ST6GAL2: variants seen among roughly 807,000 people sequenced by gnomAD.
ST6GAL2 encodes beta-galactoside alpha-2,6-sialyltransferase 2.
ST6GAL2 carries 24 observed loss-of-function variants against 37.5 expected under a neutral mutation model. That is an observed-to-expected ratio of 0.64 (90% CI 0.46 to 0.90). The LOEUF (loss-of-function observed/expected upper bound fraction) is 0.90, where lower values mean the gene tolerates loss of function less well. Among genes scored for constraint, ST6GAL2 ranks in the 40% least tolerant of loss-of-function variants. ST6GAL2 has a pLI of 0.00. For synonymous variants in ST6GAL2, 306 were observed against 295.1 expected, an observed-to-expected ratio of 1.04 and a Z score of -0.38; for missense variants, 715 against 712.7, an observed-to-expected ratio of 1.00 and a Z score of -0.04.
chr2:106,823,789 C>T (rs1056893031), intron 5 of ST6GAL2, among the ~76,000 whole-genome samples: 3 of 152,106 alleles, frequency 2.0e-5, no homozygotes, highest in Non-Finnish European at 2.9e-5. Context: ...TTCAATGTCT[C>T]GTGAGGACCC....
At position 106,804,012 on chromosome 2, in the gene ST6GAL2, TA is replaced by T. The variant is rs1558668652; in HGVS notation, c.*2665del. On this transcript the variant is annotated 3_prime_UTR_variant, in exon 6 of 6. Coordinates refer to ENST00000409382, the MANE Select transcript of ST6GAL2 (RefSeq NM_001142351.2). Reference sequence around the variant, plus strand: ...ACATTTTCTTAGAAGCCAAAGAACTTAAACTTTTATAGAAGAACGCCCAGTC... The same window carrying T: ...ACATTTTCTTAGAAGCCAAAGAACTTAACTTTTATAGAAGAACGCCCAGTC... 6.6e-6 allele frequency: 1 copy of T among 152,188 alleles called. No individual in the cohort carries two copies. Among genetic ancestry groups the T allele is most frequent in the South Asian group, 2.1e-4 (1 of 4,818 alleles). 9.4% of individuals were successfully genotyped at this position (152,188 alleles called of 1,614,324 possible).
chr2:106,842,731 G>A (rs1038117388), intron 2 of ST6GAL2, among the ~76,000 whole-genome samples: 2 of 152,134 alleles, frequency 1.3e-5, no homozygotes, highest in African/African-American at 2.4e-5. Context: ...GGGGCAAAGG[G>A]CGGCGCTTTC....
At chr2:106,817,840 C>T (rs1386355994) in intron 5 of ST6GAL2, among the ~76,000 whole-genome samples, 1 of 152,152 alleles carries the variant, frequency 6.6e-6, no homozygotes, top group African/African-American at 2.4e-5. Context: ...AGGGGAGCCC[C>T]CTGCCTTGAA....
chr2:106,855,509 A>G (rs1185187774), intron 1 of ST6GAL2, among the ~76,000 whole-genome samples: 1 of 152,216 alleles, frequency 6.6e-6, no homozygotes, highest in Non-Finnish European at 1.5e-5. Flanking sequence ...TAAATCACCT[A>G]GTAGCTACCT....
chr2:106,810,061 C>T (rs1235211634), intron 5 of ST6GAL2, among the ~76,000 whole-genome samples: 1 of 152,156 alleles, frequency 6.6e-6, no homozygotes, highest in Non-Finnish European at 1.5e-5. Context: ...GCTACCAAAT[C>T]CAAGTAACTC....
Position 106,834,084 on chromosome 2 carries a change from C to T in ST6GAL2, c.1006G>A (p.Gly336Arg), listed in dbSNP as rs1676534570. ...ATGATGCGTATGGTGGTTTTATTCCCAACATCTTTCTCATAACCACGTGTA... is the reference window on the plus strand; with the variant it reads ...ATGATGCGTATGGTGGTTTTATTCCTAACATCTTTCTCATAACCACGTGTA... Reference protein sequence around the residue: ...APTRGYEKDVGNKTTIRIINS... With the variant: ...APTRGYEKDVRNKTTIRIINS... Residue 336 changes from glycine (G) to arginine (R), a missense_variant, in exon 3 of 6, where the codon GGG becomes AGG. Physicochemically the swap from Gly to Arg is moderately radical, Grantham distance 125 (BLOSUM62 -2). Transcript: ENST00000409382. The T allele has an allele frequency of 6.2e-7, 1 of 1,613,680 alleles. No homozygotes were observed. The highest frequency in any genetic ancestry group is 1.3e-5 in the African/African-American group (1 of 74,888).
intron 2 of ST6GAL2, among the ~76,000 whole-genome samples, chr2:106,835,226 G>C (rs561409371): frequency 6.6e-6 from 1 of 152,284 alleles, no homozygotes; most frequent in African/African-American, 2.4e-5. Context: ...CTGGAGCAAG[G>C]ACAGTGCCTG....
Position 106,805,070 on chromosome 2 carries a change from A to G in ST6GAL2, c.*1608T>C, listed in dbSNP as rs771884549. On this transcript the variant is annotated 3_prime_UTR_variant, in exon 6 of 6. Coordinates refer to ENST00000409382, the MANE Select transcript of ST6GAL2 (RefSeq NM_001142351.2). ...AGGAGATGTCTTGTTTTCCAGCTCCATATCTGCTGAATAGACTAACCAAAC... is the reference window on the plus strand; with the variant it reads ...AGGAGATGTCTTGTTTTCCAGCTCCGTATCTGCTGAATAGACTAACCAAAC... The G allele has an allele frequency of 6.6e-6, 1 of 152,156 alleles. No individual in the cohort carries two copies. Among genetic ancestry groups the G allele is most frequent in the Non-Finnish European group, 1.5e-5 (1 of 68,032 alleles). 9.4% of individuals were successfully genotyped at this position (152,156 alleles called of 1,614,324 possible).
chr2:106,830,369 T>C, intron 4 of ST6GAL2, 129 bp from the exon 5 acceptor site: 2 of 713,668 alleles, frequency 2.8e-6, no homozygotes, highest in Non-Finnish European at 2.4e-6. Context: ...TCATGACTCA[T>C]GACATCTACA....
rs1490300852 is a variant in ST6GAL2, at chr2:106,879,869, TATAC to T, written c.-58+6220_-58+6223del. Among the ~76,000 whole-genome samples the T allele has an allele frequency of 5.4e-5, 8 of 147,920 alleles. No individual in the cohort carries two copies. The East Asian group carries it at 7.8e-4, about 14-fold the overall frequency. ...AATCTATAAACTATAATATATACATTATACATATAGACCTATATATACATATAGA... is the reference window on the plus strand; with the variant it reads ...AATCTATAAACTATAATATATACATTATATAGACCTATATATACATATAGA... On this transcript the variant is annotated intron_variant, in intron 1 of 5. Coordinates refer to ENST00000409382, the MANE Select transcript of ST6GAL2 (RefSeq NM_001142351.2).
intron 5 of ST6GAL2, chr2:106,813,172 G>T: frequency 2.3e-6 from 3 of 1,324,342 alleles, no homozygotes; most frequent in Non-Finnish European, 1.9e-6. Context: ...GAGTGCAGTC[G>T]CGTGATCTCG....
At chr2:106,807,565 CTT>C (rs1238866542) in intron 5 of ST6GAL2, among the ~76,000 whole-genome samples, 1 of 151,540 alleles carries the variant, frequency 6.6e-6, no homozygotes, top group East Asian at 1.9e-4. Context: ...CAGTGTTAAA[CTT>C]TTAATTTTTT....
Position 106,806,797 on chromosome 2 carries a change from G to T in ST6GAL2, c.1471C>A (p.Leu491Met). The change falls in exon 6 of 6, where the codon CTG becomes ATG. Residue 491 changes from leucine to methionine, a missense_variant. Leu to Met is a conservative substitution (Grantham distance 15, BLOSUM62 2). Transcript: ENST00000409382. ...GTGCCCATGTTCAGGCGCTGCACCA[G>T]GAGCTTCTCATAGAGTAGTGGGTGG... ...AYHPLLYEKLLVQRLNMGTQG... is the reference protein window; with the variant it reads ...AYHPLLYEKLMVQRLNMGTQG... 1 of 1,614,204 alleles carries T rather than the reference G, an allele frequency of 6.2e-7. No individual in the cohort carries two copies. The highest frequency in any genetic ancestry group is 8.5e-7 in the Non-Finnish European group (1 of 1,180,042).
At chr2:106,840,269 C>T (rs1328926360) in intron 2 of ST6GAL2, among the ~76,000 whole-genome samples, 2 of 152,200 alleles carry the variant, frequency 1.3e-5, no homozygotes, top group Admixed American at 1.3e-4. Flanking sequence ...AAGAATTTCG[C>T]TACACCATGC....
rs906816989 is a variant in ST6GAL2, at chr2:106,803,411, G to C, written c.*3267C>G. 1.3e-5 allele frequency: 2 copies of C among 152,114 alleles called. No individual in the cohort carries two copies. The highest frequency in any genetic ancestry group is 2.9e-5 in the Non-Finnish European group (2 of 68,032). The allele number at this position is 152,114 out of a possible 1,614,324, so 9.4% of individuals were successfully genotyped here. ...TTTTAATTGACCATCCCTTGGTCCT[G>C]AGCACAAAGTTCTCTGTAAGAGCAG... On this transcript the variant is annotated 3_prime_UTR_variant, in exon 6 of 6. Coordinates refer to ENST00000409382, the MANE Select transcript of ST6GAL2 (RefSeq NM_001142351.2).
intron 4 of ST6GAL2, among the ~76,000 whole-genome samples, chr2:106,831,192 C>T (rs1004630257): frequency 6.6e-6 from 1 of 152,162 alleles, no homozygotes; most frequent in Non-Finnish European, 1.5e-5. Context: ...ATAAATGAAG[C>T]CCCAAGCCAT....
chr2:106,832,286 T>C (rs1676453293), intron 4 of ST6GAL2, among the ~76,000 whole-genome samples: 1 of 152,228 alleles, frequency 6.6e-6, no homozygotes, highest in Admixed American at 6.5e-5. Context: ...CCCTTTAGTG[T>C]AACTAGAAAT....
chr2:106,836,523 T>C (rs1676644789), intron 2 of ST6GAL2, among the ~76,000 whole-genome samples: 1 of 152,052 alleles, frequency 6.6e-6, no homozygotes, highest in Non-Finnish European at 1.5e-5. Context: ...TTGTATAATA[T>C]TGTACAATGA....
At position 106,860,953 on chromosome 2, in the gene ST6GAL2, AAAACTTT is replaced by A. The variant is rs142207672; in HGVS notation, c.-57-16926_-57-16920del. Among the ~76,000 whole-genome samples, 1,145 of 152,340 alleles carry A rather than the reference AAAACTTT, an allele frequency of 7.5e-3. 18 individuals are homozygous for A. Among genetic ancestry groups the A allele is most frequent in the African/African-American group, 0.026 (1,075 of 41,582 alleles). On this transcript the variant is annotated intron_variant, in intron 1 of 5. Transcript: ENST00000409382. ...CCCTCCCTGCTTTGATTGACTGCAC[AAAACTTT>A]TGCTGCCTTCAGCAGTTTTACAGTC...
Sources: allele counts gnomAD v4.1 joint callset (sites outside exome capture counted in the v4.1 genomes callset), GRCh38; gene constraint gnomAD v4.1.1; transcripts MANE v1.5; gene names NCBI Gene and HGNC (gene_info 2026-07-23, HGNC 2026-07-21).